The following GPHN variants were observed in gnomAD, a reference collection of about 807,000 sequenced individuals.
The protein encoded by GPHN is gephyrin.
Under a neutral mutation model 95.5 loss-of-function variants are expected in GPHN, and 17 were observed. The observed-to-expected ratio is 0.18, with a 90% CI of 0.12 to 0.27. The LOEUF is 0.27. Ranked by LOEUF, GPHN falls within the 10% of genes least tolerant of loss-of-function variation. The probability of loss-of-function intolerance (pLI) is 1.00; values close to 1 mark genes in which losing one functional copy is unlikely to be tolerated. For synonymous variants in GPHN, 320 were observed against 322.5 expected, an observed-to-expected ratio of 0.99 and a Z score of 0.08; for missense variants, 660 against 978.1, an observed-to-expected ratio of 0.67 and a Z score of 4.34.
chr14:66,650,776 G>T (rs2065003864), intron 1 of GPHN, among the ~76,000 whole-genome samples: 1 of 152,146 alleles, frequency 6.6e-6, no homozygotes, highest in South Asian at 2.1e-4. Context: ...TACATATCAG[G>T]AAAACGAAAC....
the GPHN span, among the ~76,000 whole-genome samples, chr14:67,518,431 T>C: frequency 6.6e-6 from 1 of 152,338 alleles, no homozygotes; most frequent in East Asian, 1.9e-4. Context: ...GTGCTTAGCA[T>C]AGTGCCAGAC....
chr14:66,658,812 A>T (rs7153931), intron 1 of GPHN, among the ~76,000 whole-genome samples: 2 of 151,882 alleles, frequency 1.3e-5, no homozygotes, highest in African/African-American at 4.8e-5. Context: ...AGTACTGAAC[A>T]TGCAGTACCT....
intron 1 of GPHN, among the ~76,000 whole-genome samples, chr14:66,642,567 T>G (rs1030347073): frequency 2.0e-5 from 3 of 151,846 alleles, no homozygotes; most frequent in Admixed American, 2.0e-4. Flanking sequence ...TTGTTTTTTT[T>G]TTTTTTGAAA....
chr14:66,837,211 T>C (rs1480649935), intron 4 of GPHN, among the ~76,000 whole-genome samples: 2 of 151,490 alleles, frequency 1.3e-5, no homozygotes, highest in East Asian at 3.9e-4. Context: ...CCAACAATGA[T>C]AGACTGGATT....
At chr14:66,702,385 C>T (rs1363907089) in intron 2 of GPHN, among the ~76,000 whole-genome samples, 2 of 152,196 alleles carry the variant, frequency 1.3e-5, no homozygotes, top group Non-Finnish European at 1.5e-5. Flanking sequence ...TATACAGGAG[C>T]GATCCTACTG....
chr14:67,152,337 C>A (rs911175889), intron 18 of GPHN, among the ~76,000 whole-genome samples: 1 of 152,012 alleles, frequency 6.6e-6, no homozygotes, highest in East Asian at 1.9e-4. Flanking sequence ...TATGATTTTT[C>A]TTTAAATGAT....
intron 1 of GPHN, among the ~76,000 whole-genome samples, chr14:66,662,574 G>A (rs2065723109): frequency 1.3e-5 from 2 of 152,224 alleles, no homozygotes; most frequent in Admixed American, 1.3e-4. Context: ...CTTCTGTTCA[G>A]ATGACCACAT....
the GPHN span, among the ~76,000 whole-genome samples, chr14:67,275,454 A>G: frequency 6.6e-6 from 1 of 152,202 alleles, no homozygotes. Context: ...CCAGCCTTGC[A>G]TCCCAGGGAT....
the GPHN span, among the ~76,000 whole-genome samples, chr14:67,211,939 C>G: frequency 1.3e-5 from 2 of 152,168 alleles, no homozygotes; most frequent in African/African-American, 2.4e-5. Context: ...CCCTGCAAAA[C>G]TTCTCAAAAA....
At chr14:66,757,346 G>GCA (rs747764907) in intron 2 of GPHN, among the ~76,000 whole-genome samples, 228 of 112,432 alleles carry the variant, frequency 2.0e-3, no homozygotes, top group South Asian at 3.7e-3. Context: ...ATATATACAC[G>GCA]CACACACACA....
intron 2 of GPHN, among the ~76,000 whole-genome samples, chr14:66,682,639 A>G (rs2067009897): frequency 1.3e-5 from 2 of 152,072 alleles, no homozygotes; most frequent in African/African-American, 2.4e-5. Flanking sequence ...AGTCCCAGCT[A>G]CTTGGGAGGC....
the GPHN span, chr14:67,695,859 A>G: frequency 1.5e-6 from 1 of 652,890 alleles, no homozygotes; most frequent in East Asian, 2.8e-5. Context: ...CAGGCTGGCT[A>G]CGTGGGAGCG....
At chr14:67,210,740 T>C in the GPHN span, among the ~76,000 whole-genome samples, 45 of 152,108 alleles carry the variant, frequency 3.0e-4, no homozygotes, top group African/African-American at 1.0e-3. Context: ...CCACAGGTCA[T>C]GATGGCTCAG....
chr14:67,495,401 A>G, the GPHN span, among the ~76,000 whole-genome samples: 1 of 152,008 alleles, frequency 6.6e-6, no homozygotes, highest in Admixed American at 6.5e-5. Context: ...TGTAGTTAAT[A>G]TTTCCTGGAG....
At chr14:67,443,243 AT>A in the GPHN span, among the ~76,000 whole-genome samples, 2 of 151,972 alleles carry the variant, frequency 1.3e-5, no homozygotes, top group African/African-American at 2.4e-5. Context: ...GAAAAAAAAA[AT>A]GAGTTCTGTA....
At chr14:67,169,279 C>T (rs1004601800) in intron 21 of GPHN, 9 of 556,886 alleles carry the variant, frequency 1.6e-5, no homozygotes, top group African/African-American at 1.3e-4. Flanking sequence ...CCAGAGAGCA[C>T]GGCTTAAAAA....
At chr14:66,645,008 C>G (rs958879443) in intron 1 of GPHN, among the ~76,000 whole-genome samples, 1 of 151,878 alleles carries the variant, frequency 6.6e-6, no homozygotes, top group African/African-American at 2.4e-5. Flanking sequence ...CTTTCTTTCC[C>G]AATATATAGG....
intron 9 of GPHN, among the ~76,000 whole-genome samples, chr14:66,970,235 A>T (rs2069661629): frequency 6.6e-6 from 1 of 152,142 alleles, no homozygotes; most frequent in Non-Finnish European, 1.5e-5. Context: ...TAATCCACTA[A>T]TGTCTAATAC....
chr14:67,020,027 A>G (rs901486285), intron 9 of GPHN, among the ~76,000 whole-genome samples: 8 of 152,150 alleles, frequency 5.3e-5, no homozygotes, highest in African/African-American at 1.9e-4. Context: ...GGATGGTTAT[A>G]CATTATGCAT....
Sources: gnomAD v4.1 joint callset for allele counts (sites outside exome capture counted in the v4.1 genomes callset) on GRCh38, gnomAD v4.1.1 for gene constraint, MANE v1.5 for transcripts, NCBI Gene and HGNC (gene_info 2026-07-23, HGNC 2026-07-21) for gene names.